MBNL1: variants seen among roughly 807,000 people sequenced by gnomAD.
MBNL1 encodes the protein muscleblind-like protein 1.
A neutral mutation model predicts 42.2 loss-of-function variants in MBNL1; 8 were observed. The ratio of observed to expected loss-of-function variants is 0.19; its 90% CI spans 0.11 to 0.34. The LOEUF (loss-of-function observed/expected upper bound fraction) is 0.34, where lower values mean the gene tolerates loss of function less well. Ranked by LOEUF, MBNL1 falls within the 10% of genes least tolerant of loss-of-function variation. MBNL1 has a pLI of 1.00. For missense variants in MBNL1, 309 were observed against 495.3 expected, an observed-to-expected ratio of 0.62 and a Z score of 3.57; for synonymous variants, 169 against 173.9, an observed-to-expected ratio of 0.97 and a Z score of 0.22.
At chr3:152,293,656 C>G (rs2057203810) in intron 1 of MBNL1, among the ~76,000 whole-genome samples, 1 of 152,104 alleles carries the variant, frequency 6.6e-6, no homozygotes. Context: ...TAAACGACCT[C>G]AAAAAATTAC....
chr3:152,381,580 A>C (rs1040302598), intron 2 of MBNL1, among the ~76,000 whole-genome samples: 24 of 152,140 alleles, frequency 1.6e-4, no homozygotes, highest in African/African-American at 5.8e-4. Flanking sequence ...TAAAAAACTC[A>C]TTTTGGTAAT....
intron 3 of MBNL1, among the ~76,000 whole-genome samples, chr3:152,419,664 C>T (rs989518195): frequency 1.3e-5 from 2 of 150,844 alleles, no homozygotes; most frequent in Non-Finnish European, 3.0e-5. Flanking sequence ...TGGGCAGACA[C>T]TGAGCTGGCT....
intron 3 of MBNL1, among the ~76,000 whole-genome samples, chr3:152,427,008 T>C (rs539728354): frequency 6.6e-6 from 1 of 152,370 alleles, no homozygotes; most frequent in African/African-American, 2.4e-5. Context: ...TTTGGTTCTT[T>C]ACTTTCCACT....
At chr3:152,388,528 T>A (rs1313997716) in intron 2 of MBNL1, among the ~76,000 whole-genome samples, 1 of 152,266 alleles carries the variant, frequency 6.6e-6, no homozygotes, top group African/African-American at 2.4e-5. Flanking sequence ...TCTCAATTTC[T>A]ATGCCAAGTG....
intron 1 of MBNL1, among the ~76,000 whole-genome samples, chr3:152,298,278 A>G (rs2059456787): frequency 6.6e-6 from 1 of 152,190 alleles, no homozygotes; most frequent in Non-Finnish European, 1.5e-5. Flanking sequence ...CTCATTGGCA[A>G]CATTCAAACA....
At chr3:152,324,646 C>T (rs550435181) in intron 2 of MBNL1, among the ~76,000 whole-genome samples, 18 of 152,200 alleles carry the variant, frequency 1.2e-4, no homozygotes, top group African/African-American at 4.1e-4. Flanking sequence ...TTTAAAAATA[C>T]TTTTATTATG....
At chr3:152,296,420 A>G (rs1414415561) in intron 1 of MBNL1, among the ~76,000 whole-genome samples, 1 of 152,206 alleles carries the variant, frequency 6.6e-6, no homozygotes, top group African/African-American at 2.4e-5. Context: ...ATACAGAAAG[A>G]TAGGTTAAAG....
chr3:152,340,505 A>C, intron 2 of MBNL1: 1 of 1,563,944 alleles, frequency 6.4e-7, no homozygotes, highest in Non-Finnish European at 8.6e-7. Flanking sequence ...GTATATTAAA[A>C]ATAGTGGAAG....
intron 2 of MBNL1, among the ~76,000 whole-genome samples, chr3:152,319,545 G>A (rs1577803496): frequency 6.7e-6 from 1 of 149,644 alleles, no homozygotes; most frequent in South Asian, 2.1e-4. Flanking sequence ...TATTAAGGTC[G>A]AGTCCAAGTG....
chr3:152,433,205 C>T (rs1034697426), intron 4 of MBNL1, among the ~76,000 whole-genome samples: 10 of 152,162 alleles, frequency 6.6e-5, no homozygotes, highest in East Asian at 3.9e-4. Flanking sequence ...ATCTTTAAAA[C>T]GGCGCTTACC....
rs186832429 is a variant in MBNL1, at chr3:152,261,970, C to T, written n.333+17530C>T. ...CCATCTGCTTGGCACATGGTAAGCA[C>T]GCAGGGTTTGTTGAATTTAACTGAA... is the stretch of plus-strand genomic sequence containing the variant. On this transcript the variant is annotated intron_variant and non_coding_transcript_variant, in intron 2 of 2. Coordinates refer to the MBNL1 transcript ENST00000477171. 7.2e-5 allele frequency among the ~76,000 whole-genome samples: 11 copies of T among 152,218 alleles called. No homozygotes were observed. In the South Asian group the frequency reaches 1.7e-3, roughly 23 times the overall value.
At chr3:152,293,943 A>G (rs905115651) in intron 1 of MBNL1, among the ~76,000 whole-genome samples, 11 of 151,478 alleles carry the variant, frequency 7.3e-5, no homozygotes, top group African/African-American at 2.7e-4. Flanking sequence ...TTAAATAGGC[A>G]TTCATATGAA....
chr3:152,337,481 G>A (rs34352590), intron 2 of MBNL1, among the ~76,000 whole-genome samples: 17,822 of 152,032 alleles, frequency 0.12, 1,199 homozygotes, highest in Middle Eastern at 0.18. Flanking sequence ...AGCTGGGTGT[G>A]GTTGTGCACG....
chr3:152,418,630 A>AAGAG (rs770781244), intron 3 of MBNL1, among the ~76,000 whole-genome samples: 8 of 145,424 alleles, frequency 5.5e-5, no homozygotes, highest in Non-Finnish European at 1.1e-4. Context: ...AAAAAAAAAA[A>AAGAG]AGAGAGAGAG....
In MBNL1 at chr3:152,454,236, C is replaced by G. The variant is rs575071116; in HGVS notation, c.962-1306C>G. Among the ~76,000 whole-genome samples, 7 of 152,312 alleles carry G rather than the reference C, an allele frequency of 4.6e-5. No individual in the cohort carries two copies. In the South Asian group the frequency reaches 1.2e-3, roughly 27 times the overall value. On this transcript the variant is annotated intron_variant, in intron 6 of 9. Coordinates refer to ENST00000324210, the MANE Select transcript of MBNL1 (RefSeq NM_021038.5). ...TTACAGAGTTTAATCGTTGATCACT[C>G]TGCCCACAGTCTAATTGTGATAACA...
intron 2 of MBNL1, among the ~76,000 whole-genome samples, chr3:152,402,904 T>C (rs2153562978): frequency 6.6e-6 from 1 of 152,310 alleles, no homozygotes; most frequent in Non-Finnish European, 1.5e-5. Flanking sequence ...TGAGCCTCCT[T>C]CTGGAGGCTG....
chr3:152,291,725 G>A (rs2056125747), intron 1 of MBNL1, among the ~76,000 whole-genome samples: 1 of 152,202 alleles, frequency 6.6e-6, no homozygotes, highest in Admixed American at 6.5e-5. Flanking sequence ...AGATAAGCGT[G>A]TAATATTACT....
At chr3:152,461,529 T>C (rs1310940610) in intron 9 of MBNL1, among the ~76,000 whole-genome samples, 2 of 152,160 alleles carry the variant, frequency 1.3e-5, no homozygotes, top group African/African-American at 4.8e-5. Context: ...TTGAAAAAAA[T>C]TTCTAAAAAT....
At chr3:152,271,913 T>C (rs2042147459) in intron 1 of MBNL1, among the ~76,000 whole-genome samples, 3 of 152,132 alleles carry the variant, frequency 2.0e-5, no homozygotes, top group Admixed American at 2.0e-4. Flanking sequence ...TTTTGAAAAC[T>C]TTATATGAGG....
Sources: allele counts gnomAD v4.1 joint callset (sites outside exome capture counted in the v4.1 genomes callset), GRCh38; gene constraint gnomAD v4.1.1; transcripts MANE v1.5; gene names NCBI Gene and HGNC (gene_info 2026-07-23, HGNC 2026-07-21).